ZNF208: variants seen among roughly 807,000 people sequenced by gnomAD.
The protein encoded by ZNF208 is zinc finger protein 208.
In ZNF208, 10 loss-of-function variants were observed where a neutral mutation model predicts 12.1. That is an observed-to-expected ratio of 0.83 (90% CI 0.51 to 1.40). ZNF208 has a LOEUF of 1.40. Among genes scored for constraint, ZNF208 ranks in the 40% most tolerant of loss-of-function variants. The probability of loss-of-function intolerance (pLI) is 0.00; values close to 1 mark genes in which losing one functional copy is unlikely to be tolerated. For synonymous variants in ZNF208, 497 were observed against 488.4 expected, an observed-to-expected ratio of 1.02 and a Z score of -0.23; for missense variants, 1,652 against 1,485.0, an observed-to-expected ratio of 1.11 and a Z score of -1.85.
chr19:21,954,270 GGAA>G (rs908690984), intron 4 of ZNF208, among the ~76,000 whole-genome samples: 2 of 152,128 alleles, frequency 1.3e-5, no homozygotes, highest in Non-Finnish European at 2.9e-5. Context: ...GGTCAATTTT[GGAA>G]GAAGTGTGAT....
chr19:21,973,095 T>C lies in ZNF208; in HGVS notation c.1939A>G (p.Ile647Val). The C allele has an allele frequency of 1.9e-6, 3 of 1,600,430 alleles. No homozygotes were observed. The highest frequency in any genetic ancestry group is 2.6e-6 in the Non-Finnish European group (3 of 1,171,878). ...YKCKECGKTF[I>V]KVSTLTTHKA... ...TGTGTAGTAAGGGTTGAGACCTTAATAAAGGTTTTGCCACATTCTTTACAT... is the reference window on the plus strand; with the variant it reads ...TGTGTAGTAAGGGTTGAGACCTTAACAAAGGTTTTGCCACATTCTTTACAT... Residue 647 changes from isoleucine (I) to valine (V), a missense_variant, in exon 4 of 4, where the codon ATT (isoleucine) becomes GTT (valine). Physicochemically the swap from Ile to Val is conservative, Grantham distance 29 (BLOSUM62 3). Around this residue, in one of 3 missense-constraint regions of ZNF208, gnomAD observed 1,239 missense variants for 1,086.2 expected, o/e 1.14. Coordinates refer to ENST00000397126, the MANE Select transcript of ZNF208 (RefSeq NM_007153.3).
At chr19:21,979,414 G>A (rs1360457971) in intron 3 of ZNF208, among the ~76,000 whole-genome samples, 1 of 152,092 alleles carries the variant, frequency 6.6e-6, no homozygotes, top group African/African-American at 2.4e-5. Flanking sequence ...GAGACTGGGG[G>A]GCCAATATTC....
chr19:21,956,966 T>G (rs541879059), intron 4 of ZNF208, among the ~76,000 whole-genome samples: 14 of 151,986 alleles, frequency 9.2e-5, no homozygotes, highest in African/African-American at 3.4e-4. Context: ...ATCTTGGGAC[T>G]TCTATCAACT....
In ZNF208 at chr19:21,970,478, C is replaced by T. The variant is rs188115366; in HGVS notation, c.*713G>A. Among the ~76,000 whole-genome samples the T allele has an allele frequency of 9.9e-4, 150 of 152,168 alleles. No individual in the cohort carries two copies. Among genetic ancestry groups the T allele is most frequent in the South Asian group, 3.1e-3 (15 of 4,828 alleles). On this transcript the variant is annotated 3_prime_UTR_variant, in exon 4 of 4. Transcript: ENST00000397126. ...TACAAATTCCCTTATGTTCAGTAAG[C>T]GTTGAGAATTAATTAATAGTTTTGC...
rs759258370 is a variant in ZNF208, at chr19:21,972,719, G to C, written c.2315C>G (p.Thr772Ser). 6.3e-7 allele frequency: 1 copy of C among 1,589,184 alleles called. No homozygotes were observed. Among genetic ancestry groups the C allele is most frequent in the Non-Finnish European group, 8.6e-7 (1 of 1,165,932 alleles). Residue 772 changes from threonine to serine, a missense_variant, in exon 4 of 4, where the codon ACT becomes AGT. Physicochemically the swap from Thr to Ser is moderately conservative, Grantham distance 58. This residue lies in a region of ZNF208 where 1,239 missense variants were observed against 1,086.2 expected (regional missense o/e 1.14). Coordinates refer to ENST00000397126, the MANE Select transcript of ZNF208 (RefSeq NM_007153.3). ...TTCACATTTGTAGGGTTTCTCTACA[G>C]TATGAATTTTCTTATGATAACTAAG... is the stretch of plus-strand genomic sequence containing the variant. Reference protein sequence around the residue: ...STLSYHKKIHTVEKPYKCEEC... With the variant: ...STLSYHKKIHSVEKPYKCEEC...
In ZNF208 at chr19:21,971,459, G is replaced by A; in HGVS notation, c.3575C>T (p.Thr1192Ile). 3.7e-6 allele frequency: 6 copies of A among 1,611,164 alleles called. No individual in the cohort carries two copies. The highest frequency in any genetic ancestry group is 5.1e-6 in the Non-Finnish European group (6 of 1,179,874). ...SILAKHKVIHTGEKLYKCEEC... is the reference protein window; with the variant it reads ...SILAKHKVIHIGEKLYKCEEC... ...TTCACATTTGTAGAGTTTCTCTCCAGTATGAATTACCTTATGTTTTGCAAG... is the reference window on the plus strand; with the variant it reads ...TTCACATTTGTAGAGTTTCTCTCCAATATGAATTACCTTATGTTTTGCAAG... The change falls in exon 4 of 4, where the codon ACT (threonine) becomes ATT (isoleucine). Residue 1192 changes from threonine (T) to isoleucine (I), a missense_variant. Coordinates refer to ENST00000397126, the MANE Select transcript of ZNF208 (RefSeq NM_007153.3).
intron 1 of ZNF208, among the ~76,000 whole-genome samples, chr19:22,003,004 T>A (rs376151995): frequency 1.3e-5 from 2 of 152,034 alleles, no homozygotes. Flanking sequence ...AACAAACTCA[T>A]AGGTCAATGC....
At chr19:21,956,129 C>A (rs1233979960) in intron 4 of ZNF208, among the ~76,000 whole-genome samples, 1 of 152,190 alleles carries the variant, frequency 6.6e-6, no homozygotes, top group African/African-American at 2.4e-5. Context: ...CTGGGTATCA[C>A]CAGCGGAGGC....
chr19:21,954,983 TTA>T (rs1334845174), intron 4 of ZNF208, among the ~76,000 whole-genome samples: 6 of 152,222 alleles, frequency 3.9e-5, no homozygotes, highest in African/African-American at 1.4e-4. Flanking sequence ...CTGTTCCTTT[TTA>T]TGTTTAGTGC....
At position 21,946,943 on chromosome 19, in the gene ZNF208, C is replaced by CTTT. The variant is rs3029009; in HGVS notation, c.306-13709_306-13707dup. 1.2e-4 allele frequency among the ~76,000 whole-genome samples: 18 copies of CTTT among 148,716 alleles called. 1 individual carries two copies. Among genetic ancestry groups the CTTT allele is most frequent in the Non-Finnish European group, 1.3e-4 (9 of 67,074 alleles). On this transcript the variant is annotated intron_variant, in intron 4 of 4. Transcript: ENST00000599916. ...AGGTGTTGGCACAAGAACTTCCAGT[C>CTTT]TTTTTTTTTTCATTTCATTTTTTTT... is the stretch of plus-strand genomic sequence containing the variant.
chr19:21,959,891 G>A (rs1446490994), intron 4 of ZNF208, among the ~76,000 whole-genome samples: 1 of 152,038 alleles, frequency 6.6e-6, no homozygotes, highest in Non-Finnish European at 1.5e-5. Context: ...TTTAGATTCT[G>A]TAAAAAATGT....
chr19:21,974,572 A>G lies in ZNF208; in HGVS notation c.462T>C (p.Phe154=). ...VFQRGKYANV[F]HKCSNSNRHK... is the part of the protein sequence containing the mutation. ...GTCTGTTTGAATTTGAACATTTATG[A>G]AAGACATTTGCATATTTGCCACGTT... Residue 154 remains phenylalanine, a synonymous_variant, in exon 4 of 4, where the codon TTT becomes TTC. Coordinates refer to ENST00000397126, the MANE Select transcript of ZNF208 (RefSeq NM_007153.3). The G allele has an allele frequency of 6.2e-7, 1 of 1,613,700 alleles. No homozygotes were observed. Among genetic ancestry groups the G allele is most frequent in the Non-Finnish European group, 8.5e-7 (1 of 1,179,710 alleles).
intron 4 of ZNF208, among the ~76,000 whole-genome samples, chr19:21,955,294 C>T (rs191448942): frequency 1.1e-4 from 17 of 152,280 alleles, no homozygotes; most frequent in East Asian, 1.9e-4. Context: ...ATGAATCTGA[C>T]GATTATGTGT....
chr19:21,961,194 A>G (rs151239287), downstream of ZNF208, among the ~76,000 whole-genome samples: 1,156 of 152,264 alleles, frequency 7.6e-3, 18 homozygotes, highest in African/African-American at 0.025. Context: ...GAGTACAAAG[A>G]GAGGAATTTT....
chr19:21,973,912 G>A lies in ZNF208; in HGVS notation c.1122C>T (p.Cys374=), dbSNP rs565329409. The A allele has an allele frequency of 8.2e-5, 129 of 1,582,658 alleles. No individual in the cohort carries two copies. The highest frequency in any genetic ancestry group is 3.5e-4 in the Admixed American group (20 of 56,716). ...TGEKPYKCEE[C]GKAYKWPSTL... ...TTGAGGGCCACTTATAGGCTTTGCC[G>A]CATTCTTCACATTTGTAGGGTTTCT... Residue 374 remains cysteine (C), a synonymous_variant, in exon 4 of 4, where the codon TGC becomes TGT. Transcript: ENST00000397126.
Position 21,973,656 on chromosome 19 carries a change from T to C in ZNF208, c.1378A>G (p.Lys460Glu), listed in dbSNP as rs2145550067. 4 of 1,570,360 alleles carry C rather than the reference T, an allele frequency of 2.5e-6. No homozygotes were observed. Among genetic ancestry groups the C allele is most frequent in the Non-Finnish European group, 3.5e-6 (4 of 1,143,682 alleles). Residue 460 changes from lysine to glutamate, a missense_variant, in exon 4 of 4, where the codon AAA becomes GAA. By Grantham distance (56) the Lys-to-Glu change is moderately conservative (BLOSUM62 1). Coordinates refer to ENST00000397126, the MANE Select transcript of ZNF208 (RefSeq NM_007153.3). ...AGGATTGAGAACATACTAAAGCCTT[T>C]GCCACATTCTTCACATTTGTAGGGT... The part of the protein sequence containing the change: ...ETPYKCEECG[K>E]GFSMFSILTK...
chr19:21,968,707 C>T lies in ZNF208; in HGVS notation c.*2484G>A, dbSNP rs769774884. 1.9e-4 allele frequency among the ~76,000 whole-genome samples: 29 copies of T among 151,970 alleles called. No individual in the cohort carries two copies. Among genetic ancestry groups the T allele is most frequent in the Non-Finnish European group, 3.4e-4 (23 of 68,002 alleles). ...CATATATTTCACTGATTTAATATAA[C>T]AAGTTAGGGTGAAATCCCACCTTGA... On this transcript the variant is annotated 3_prime_UTR_variant, in exon 4 of 4. Transcript: ENST00000397126.
rs1464067497 is a variant in ZNF208 at position 21,972,016 on chromosome 19, A to G, written c.3018T>C (p.Cys1006=). Residue 1006 remains cysteine (C), a synonymous_variant, in exon 4 of 4, where the codon TGT becomes TGC. Coordinates refer to ENST00000397126, the MANE Select transcript of ZNF208 (RefSeq NM_007153.3). Reference sequence around the variant, plus strand: ...TTGATGACCAGTTGAAAGCTTTGCCACATTCTTCACATTTGTAGGGTTTCT... The same window carrying G: ...TTGATGACCAGTTGAAAGCTTTGCCGCATTCTTCACATTTGTAGGGTTTCT... ...TGEKPYKCEE[C]GKAFNWSSNL... 1 of 1,613,738 alleles carries G rather than the reference A, an allele frequency of 6.2e-7. No homozygotes were observed. Among genetic ancestry groups the G allele is most frequent in the Non-Finnish European group, 8.5e-7 (1 of 1,179,922 alleles).
intron 4 of ZNF208, among the ~76,000 whole-genome samples, chr19:21,954,045 C>T (rs1448477204): frequency 6.6e-6 from 1 of 152,296 alleles, no homozygotes; most frequent in African/African-American, 2.4e-5. Flanking sequence ...TCTTTGTTCT[C>T]ATTGGTTTCA....
Sources: gnomAD v4.1 joint callset for allele counts (sites outside exome capture counted in the v4.1 genomes callset) on GRCh38, gnomAD v4.1.1 for gene constraint, gnomAD v4.1.1 regional missense constraint, MANE v1.5 for transcripts, NCBI Gene and HGNC (gene_info 2026-07-23, HGNC 2026-07-21) for gene names.